CNTNAP5: variants seen among roughly 807,000 people sequenced by gnomAD.
CNTNAP5 encodes contactin-associated protein-like 5.
A neutral mutation model predicts 150.2 loss-of-function variants in CNTNAP5; 72 were observed. The observed-to-expected ratio is 0.48, with a 90% confidence interval of 0.40 to 0.58. CNTNAP5 has a LOEUF of 0.58. Among genes scored for constraint, CNTNAP5 ranks in the 20% least tolerant of loss-of-function variants. The probability of loss-of-function intolerance (pLI) is 0.00; values close to 1 mark genes in which losing one functional copy is unlikely to be tolerated. For missense variants in CNTNAP5, 1,636 were observed against 1,626.2 expected (o/e 1.01, Z -0.10); for synonymous variants, 672 against 619.8 (o/e 1.08, Z -1.25).
At chr2:124,350,135 G>T (rs1183168666) in intron 3 of CNTNAP5, among the ~76,000 whole-genome samples, 1 of 151,822 alleles carries the variant, frequency 6.6e-6, no homozygotes, top group Non-Finnish European at 1.5e-5. Flanking sequence ...GCCCGCCTTT[G>T]CCTCCCAAAG....
At chr2:124,652,400 C>T (rs1247407643) in intron 13 of CNTNAP5, among the ~76,000 whole-genome samples, 1 of 152,184 alleles carries the variant, frequency 6.6e-6, no homozygotes, top group Non-Finnish European at 1.5e-5. Flanking sequence ...GGAGACAACA[C>T]TTATCCCCAC....
At chr2:124,747,544 G>A (rs1680630924) in intron 14 of CNTNAP5, among the ~76,000 whole-genome samples, 159 bp downstream of exon 14, 1 of 150,688 alleles carries the variant, frequency 6.6e-6, no homozygotes, top group Non-Finnish European at 1.5e-5. Context: ...GTAAATTCTA[G>A]TGTTTTCAGT....
At chr2:124,030,875 C>T (rs535377953) in intron 1 of CNTNAP5, among the ~76,000 whole-genome samples, 9 of 152,200 alleles carry the variant, frequency 5.9e-5, no homozygotes, top group Non-Finnish European at 8.8e-5. Flanking sequence ...GTTGACATGA[C>T]GGGTTGTAAG....
chr2:124,503,149 C>T (rs1694315066), intron 7 of CNTNAP5, among the ~76,000 whole-genome samples: 1 of 152,170 alleles, frequency 6.6e-6, no homozygotes, highest in Non-Finnish European at 1.5e-5. Context: ...ATCTAAACAA[C>T]TACAACAAAT....
intron 5 of CNTNAP5, among the ~76,000 whole-genome samples, chr2:124,445,872 A>G (rs939241495): frequency 6.6e-6 from 1 of 152,198 alleles, no homozygotes; most frequent in African/African-American, 2.4e-5. Context: ...AGGTTGACGC[A>G]AGTTCCTCAG....
intron 13 of CNTNAP5, among the ~76,000 whole-genome samples, chr2:124,718,957 A>AT (rs1162299147): frequency 4.0e-5 from 6 of 151,394 alleles, no homozygotes; most frequent in African/African-American, 1.5e-4. Flanking sequence ...AAAAAAAAAA[A>AT]GAACGGGAAA....
In CNTNAP5 at chr2:124,094,103, C is replaced by T. The variant is rs565824221; in HGVS notation, c.82+68371C>T. Among the ~76,000 whole-genome samples the T allele has an allele frequency of 5.3e-5, 8 of 152,304 alleles. No individual in the cohort carries two copies. The South Asian group carries it at 1.7e-3, about 32-fold the overall frequency. ...GCCTAATGAACTGAAAGTGCTTTAG[C>T]ACAATAAATCAAAGAATGTTGGTGT... is the stretch of plus-strand genomic sequence containing the variant. On this transcript the variant is annotated intron_variant, in intron 1 of 23. Transcript: ENST00000682447.
chr2:124,908,576 C>T (rs887098757), intron 22 of CNTNAP5, among the ~76,000 whole-genome samples: 2 of 152,036 alleles, frequency 1.3e-5, no homozygotes, highest in Admixed American at 6.6e-5. Context: ...ATCATAAGGT[C>T]CTAGTACAAC....
intron 1 of CNTNAP5, among the ~76,000 whole-genome samples, chr2:124,091,534 C>T (rs1370014921): frequency 6.6e-6 from 1 of 152,094 alleles, no homozygotes; most frequent in Non-Finnish European, 1.5e-5. Flanking sequence ...ATGGGGTTGC[C>T]AGGCAAATTC....
At chr2:124,460,487 A>C (rs1693219746) in intron 6 of CNTNAP5, among the ~76,000 whole-genome samples, 1 of 152,170 alleles carries the variant, frequency 6.6e-6, no homozygotes, top group Admixed American at 6.5e-5. Context: ...CTTATTTTTT[A>C]AATTGTCTAT....
intron 1 of CNTNAP5, among the ~76,000 whole-genome samples, chr2:124,145,835 A>AAAAAAAAAAAAAAAAAAAG (rs1684235103): frequency 2.0e-5 from 1 of 49,798 alleles, no homozygotes; most frequent in Non-Finnish European, 3.5e-5. Context: ...AAAAGAAGAA[A>AAAAAAAAAAAAAAAAAAAG]AAAAAAAAAA....
intron 1 of CNTNAP5, among the ~76,000 whole-genome samples, chr2:124,043,644 A>C (rs955213531): frequency 1.3e-5 from 2 of 152,200 alleles, no homozygotes; most frequent in Admixed American, 1.3e-4. Flanking sequence ...AATAGAATGC[A>C]ATCCTGATTT....
At chr2:124,814,120 T>C (rs2104661311) in intron 19 of CNTNAP5, among the ~76,000 whole-genome samples, 1 of 152,224 alleles carries the variant, frequency 6.6e-6, no homozygotes, top group East Asian at 1.9e-4. Flanking sequence ...TCCTTTTTTT[T>C]TTATGATTCT....
chr2:124,811,410 A>G (rs1027252206), intron 19 of CNTNAP5, among the ~76,000 whole-genome samples: 3 of 152,202 alleles, frequency 2.0e-5, no homozygotes, highest in Admixed American at 1.3e-4. Flanking sequence ...AAAAAATTGA[A>G]TGCTTCAAAT....
chr2:124,783,807 AG>A (rs1327308414), intron 17 of CNTNAP5, among the ~76,000 whole-genome samples: 1 of 152,140 alleles, frequency 6.6e-6, no homozygotes, highest in Non-Finnish European at 1.5e-5. Flanking sequence ...TAATACTACC[AG>A]TATTATTAAA....
At chr2:124,625,631 T>G (rs1677705955) in intron 12 of CNTNAP5, among the ~76,000 whole-genome samples, 1 of 152,234 alleles carries the variant, frequency 6.6e-6, no homozygotes, top group Non-Finnish European at 1.5e-5. Flanking sequence ...CTAGAATCGC[T>G]GCTCTTCTAA....
rs766435595 is a variant in CNTNAP5 at position 124,271,689 on chromosome 2, CTATCTATCTATCATCT to C, written c.381+29297_381+29312del. Among the ~76,000 whole-genome samples the C allele has an allele frequency of 8.1e-3, 978 of 120,964 alleles. 11 individuals carry two copies. Among genetic ancestry groups the C allele is most frequent in the African/African-American group, 0.025 (853 of 34,676 alleles). The allele number at this position is 120,964 out of a possible 152,430, so 79.4% of individuals were successfully genotyped here. A position where few individuals can be genotyped will look rare whatever the true frequency, so the allele number is the denominator to read the frequency against. Reference sequence around the variant, plus strand: ...TCTATCTATCTATCTATCTATCTATCTATCTATCTATCATCTATCTATCTATCTATCTATCTATTTA... The same window carrying C: ...TCTATCTATCTATCTATCTATCTATCATCTATCTATCTATCTATCTATTTA... On this transcript the variant is annotated intron_variant, in intron 3 of 23. Transcript: ENST00000682447.
intron 2 of CNTNAP5, among the ~76,000 whole-genome samples, chr2:124,239,153 A>G (rs563855865): frequency 4.5e-4 from 69 of 152,014 alleles, no homozygotes; most frequent in Middle Eastern, 3.2e-3. Context: ...TTCTTTAGAC[A>G]AATTTGCAGA....
chr2:124,573,836 C>T (rs1173190850), intron 11 of CNTNAP5, among the ~76,000 whole-genome samples: 1 of 152,122 alleles, frequency 6.6e-6, no homozygotes, highest in Non-Finnish European at 1.5e-5. Flanking sequence ...CTTCTTTCAG[C>T]CTTGGTTGTT....
Sources: allele counts gnomAD v4.1 joint callset (sites outside exome capture counted in the v4.1 genomes callset), GRCh38; gene constraint gnomAD v4.1.1; transcripts MANE v1.5; gene names NCBI Gene and HGNC (gene_info 2026-07-23, HGNC 2026-07-21).